GRM7: variants seen among roughly 807,000 people sequenced by gnomAD.
The protein encoded by GRM7 is glutamate metabotropic receptor 7, also known as metabotropic glutamate receptor 7.
A neutral mutation model predicts 84.5 loss-of-function variants in GRM7; 35 were observed. That is an observed-to-expected ratio of 0.41 (90% CI 0.32 to 0.55). The LOEUF (loss-of-function observed/expected upper bound fraction) is 0.55, where lower values mean the gene tolerates loss of function less well. Among genes scored for constraint, GRM7 ranks in the 20% least tolerant of loss-of-function variants. The pLI is 0.19. For missense variants in GRM7, 1,003 were observed against 1,194.6 expected, an observed-to-expected ratio of 0.84 and a Z score of 2.36; for synonymous variants, 487 against 455.1, an observed-to-expected ratio of 1.07 and a Z score of -0.89.
chr3:7,249,462 A>G (rs909308081), intron 2 of GRM7, among the ~76,000 whole-genome samples: 1 of 152,226 alleles, frequency 6.6e-6, no homozygotes, highest in Non-Finnish European at 1.5e-5. Flanking sequence ...ACACCTAGAG[A>G]CAACATGGAA....
At chr3:7,613,681 C>T (rs536052984) in intron 8 of GRM7, among the ~76,000 whole-genome samples, 34 of 152,222 alleles carry the variant, frequency 2.2e-4, no homozygotes, top group Admixed American at 7.2e-4. Flanking sequence ...TAATCTGGGC[C>T]TTAATTTCCT....
chr3:6,953,319 T>C (rs1692870296), intron 1 of GRM7, among the ~76,000 whole-genome samples: 1 of 152,196 alleles, frequency 6.6e-6, no homozygotes, highest in Non-Finnish European at 1.5e-5. Context: ...TTACTTCAAC[T>C]CACATGCCTT....
chr3:7,293,155 G>A (rs758873581), intron 2 of GRM7, among the ~76,000 whole-genome samples: 4 of 151,916 alleles, frequency 2.6e-5, no homozygotes, highest in African/African-American at 4.8e-5. Flanking sequence ...CAGCTCTCTC[G>A]GGATTGAGTT....
intron 1 of GRM7, among the ~76,000 whole-genome samples, chr3:7,109,935 TTTAAA>T (rs1692786899): frequency 6.6e-6 from 1 of 152,116 alleles, no homozygotes; most frequent in Admixed American, 6.6e-5. Context: ...ATCTTGTATT[TTTAAA>T]TTAAATATGT....
chr3:7,501,157 T>C (rs1699870652), intron 7 of GRM7, among the ~76,000 whole-genome samples: 1 of 152,216 alleles, frequency 6.6e-6, no homozygotes, highest in Non-Finnish European at 1.5e-5. Context: ...GCATGTTCCA[T>C]GCATTACTTC....
At chr3:6,923,642 A>G (rs1009112647) in intron 1 of GRM7, among the ~76,000 whole-genome samples, 1 of 152,210 alleles carries the variant, frequency 6.6e-6, no homozygotes, top group Non-Finnish European at 1.5e-5. Flanking sequence ...TGGGACTGAC[A>G]GATGGAATGG....
intron 1 of GRM7, among the ~76,000 whole-genome samples, chr3:7,116,765 T>A (rs1693047541): frequency 6.6e-6 from 1 of 152,176 alleles, no homozygotes; most frequent in African/African-American, 2.4e-5. Flanking sequence ...ATTTTGAGGT[T>A]TATTTTGTTG....
chr3:7,734,516 A>G (rs1702437090), intron 9 of GRM7, among the ~76,000 whole-genome samples: 1 of 152,222 alleles, frequency 6.6e-6, no homozygotes, highest in South Asian at 2.1e-4. Flanking sequence ...TTGTTAGATG[A>G]ATGGCTGAGT....
At chr3:7,276,921 G>A (rs1699095183) in intron 2 of GRM7, among the ~76,000 whole-genome samples, 2 of 151,798 alleles carry the variant, frequency 1.3e-5, no homozygotes, top group Non-Finnish European at 2.9e-5. Flanking sequence ...TTGATTTGTT[G>A]TGAAAGTCCA....
rs141171665 is a variant in GRM7 at position 7,429,200 on chromosome 3, T to G, written c.1174+14037T>G. On this transcript the variant is annotated intron_variant, in intron 5 of 9. Transcript: ENST00000357716. ...AATAATGATGATAGAGTTTTGTTTT[T>G]TTTTGTTTTGTTTTATGTTTTAAGG... is the stretch of plus-strand genomic sequence containing the variant. Among the ~76,000 whole-genome samples, 914 of 152,270 alleles carry G rather than the reference T, an allele frequency of 6.0e-3. 12 individuals carry two copies. The highest frequency in any genetic ancestry group is 0.021 in the African/African-American group (857 of 41,540).
chr3:7,369,580 G>A (rs975129020), intron 4 of GRM7, among the ~76,000 whole-genome samples: 1 of 152,060 alleles, frequency 6.6e-6, no homozygotes, highest in Admixed American at 6.6e-5. Flanking sequence ...TGAAAGAAGG[G>A]GAATGGATGG....
chr3:7,623,920 G>T (rs1358938326), intron 8 of GRM7, among the ~76,000 whole-genome samples: 1 of 152,110 alleles, frequency 6.6e-6, no homozygotes, highest in Non-Finnish European at 1.5e-5. Flanking sequence ...TCCTAGGTGG[G>T]TATGTGCAGC....
At position 7,614,421 on chromosome 3, in the gene GRM7, A is replaced by C. The variant is rs1208546571; in HGVS notation, c.2451+35064A>C. Among the ~76,000 whole-genome samples the C allele has an allele frequency of 2.0e-5, 3 of 152,178 alleles. 1 individual carries two copies. The highest frequency in any genetic ancestry group is 7.2e-5 in the African/African-American group (3 of 41,448). On this transcript the variant is annotated intron_variant, in intron 8 of 9. Transcript: ENST00000357716. The stretch of plus-strand genomic sequence containing the variant: ...AATGCACGTGCAAGGAACAACCCAG[A>C]ATCTTCAATCTTGGCCCATTCCTCA...
chr3:7,298,936 C>T (rs1054972683), intron 3 of GRM7, 111 bp downstream of exon 3: 19 of 968,230 alleles, frequency 2.0e-5, no homozygotes, highest in Non-Finnish European at 3.0e-5. Flanking sequence ...AAGCTGTAAT[C>T]ATACAGCGGC....
chr3:7,542,461 T>C (rs562200383), intron 7 of GRM7, among the ~76,000 whole-genome samples: 1 of 152,200 alleles, frequency 6.6e-6, no homozygotes, highest in Non-Finnish European at 1.5e-5. Flanking sequence ...TCCTCTGAGA[T>C]GTGTTTTCTA....
At chr3:7,088,516 G>A (rs1159372344) in intron 1 of GRM7, among the ~76,000 whole-genome samples, 2 of 149,968 alleles carry the variant, frequency 1.3e-5, no homozygotes, top group African/African-American at 2.5e-5. Context: ...TACATTTGCA[G>A]TGCCAGGGAT....
At chr3:7,300,264 T>A (rs1247157625) in intron 3 of GRM7, among the ~76,000 whole-genome samples, 1 of 152,208 alleles carries the variant, frequency 6.6e-6, no homozygotes, top group Non-Finnish European at 1.5e-5. Context: ...TTTTTCAATG[T>A]CTTTACCACC....
At chr3:7,211,148 C>A (rs1338419472) in intron 2 of GRM7, among the ~76,000 whole-genome samples, 1 of 152,132 alleles carries the variant, frequency 6.6e-6, no homozygotes, top group African/African-American at 2.4e-5. Context: ...TCTTCTTCAC[C>A]TTTGACTAAA....
chr3:7,637,677 TCATGG>T (rs1698161781), intron 8 of GRM7, among the ~76,000 whole-genome samples: 1 of 152,166 alleles, frequency 6.6e-6, no homozygotes, highest in African/African-American at 2.4e-5. Flanking sequence ...GCGGACACGC[TCATGG>T]CAGACCACTG....
Sources: allele counts gnomAD v4.1 joint callset (sites outside exome capture counted in the v4.1 genomes callset), GRCh38; gene constraint gnomAD v4.1.1; transcripts MANE v1.5; gene names NCBI Gene and HGNC (gene_info 2026-07-23, HGNC 2026-07-21).